Variants in HHLA1 observed in about 807,000 individuals in gnomAD.
HHLA1 encodes the protein HHLA1 neighbor of OC90, also known as HERV-H LTR-associating protein 1.
Under a neutral mutation model 69.9 loss-of-function variants are expected in HHLA1, and 72 were observed. The ratio of observed to expected loss-of-function variants is 1.03; its 90% CI spans 0.85 to 1.25. The LOEUF is 1.25. HHLA1 is among the 50% of genes most tolerant of loss of function. The probability of loss-of-function intolerance (pLI) is 0.00; values close to 1 mark genes in which losing one functional copy is unlikely to be tolerated. For missense variants in HHLA1, 685 were observed against 642.2 expected (o/e 1.07, Z -0.72); for synonymous variants, 252 against 233.2 (o/e 1.08, Z -0.73).
intron 12 of HHLA1, among the ~76,000 whole-genome samples, chr8:132,077,103 G>T (rs1227416382): frequency 6.6e-6 from 1 of 152,094 alleles, no homozygotes; most frequent in South Asian, 2.1e-4. Flanking sequence ...TAGGAGACCA[G>T]TGAGAGAGAA....
chr8:132,107,700 A>T (rs1824227043), intron 1 of HHLA1, among the ~76,000 whole-genome samples: 2 of 152,208 alleles, frequency 1.3e-5, no homozygotes, highest in Non-Finnish European at 2.9e-5. Context: ...ATTCTTTGTC[A>T]TTGGCCAAGT....
At chr8:132,100,438 C>A (rs951618279) in intron 3 of HHLA1, among the ~76,000 whole-genome samples, 11 of 152,116 alleles carry the variant, frequency 7.2e-5, no homozygotes, top group African/African-American at 2.7e-4. Context: ...AGGAGAAAAA[C>A]CTTGCTTAAA....
chr8:132,108,139 G>A (rs186085536), intron 1 of HHLA1, among the ~76,000 whole-genome samples: 1 of 152,220 alleles, frequency 6.6e-6, no homozygotes, highest in Non-Finnish European at 1.5e-5. Flanking sequence ...TCCTGGCTCT[G>A]CAGTGCAACT....
In HHLA1 at chr8:132,061,904, C is replaced by T. The variant is rs1327483702; in HGVS notation, c.*2091G>A. On this transcript the variant is annotated 3_prime_UTR_variant, in exon 17 of 17. Coordinates refer to ENST00000414222, the MANE Select transcript of HHLA1 (RefSeq NM_001145095.3). ...TTGCATAAGCCTCAGAGGTATTCCG[C>T]ATTTGAGCTTCTTAAAGATTATAGT... 2.0e-5 allele frequency: 3 copies of T among 152,234 alleles called. No individual in the cohort carries two copies. The highest frequency in any genetic ancestry group is 2.9e-5 in the Non-Finnish European group (2 of 68,052). The allele number at this position is 152,234 out of a possible 1,614,324, so 9.4% of individuals were successfully genotyped here.
At chr8:132,083,033 C>T (rs1378261427) in intron 10 of HHLA1, among the ~76,000 whole-genome samples, 1 of 144,414 alleles carries the variant, frequency 6.9e-6, no homozygotes, top group Non-Finnish European at 1.5e-5. Flanking sequence ...GTAAGGGGTG[C>T]ATGATTGGTC....
At chr8:132,083,287 G>A (rs1823793017) in intron 10 of HHLA1, among the ~76,000 whole-genome samples, 1 of 151,996 alleles carries the variant, frequency 6.6e-6, no homozygotes, top group African/African-American at 2.4e-5. Flanking sequence ...ACCAGAGTTG[G>A]GGAGTTTTAA....
chr8:132,084,214 G>C (rs1374102636), intron 10 of HHLA1, among the ~76,000 whole-genome samples: 10 of 151,590 alleles, frequency 6.6e-5, no homozygotes, highest in African/African-American at 7.3e-5. Flanking sequence ...GTGTGAGGAG[G>C]GGAGGTGATA....
At chr8:132,106,398 G>A (rs1448125166) in intron 1 of HHLA1, among the ~76,000 whole-genome samples, 3 of 152,150 alleles carry the variant, frequency 2.0e-5, no homozygotes, top group African/African-American at 7.2e-5. Context: ...TATGTGACTG[G>A]CATTTGTTCT....
At chr8:132,090,711 G>C (rs1458204509) in intron 7 of HHLA1, among the ~76,000 whole-genome samples, 1 of 150,742 alleles carries the variant, frequency 6.6e-6, no homozygotes, top group Non-Finnish European at 1.5e-5. Flanking sequence ...ATAGACACCT[G>C]TATATGCAGA....
intron 5 of HHLA1, among the ~76,000 whole-genome samples, chr8:132,097,702 CCTT>C (rs1341025303): frequency 2.6e-5 from 4 of 152,202 alleles, no homozygotes; most frequent in African/African-American, 9.7e-5. Flanking sequence ...TAGATCACTG[CCTT>C]CTTATCGTGC....
chr8:132,093,440 A>T (rs1334399034), intron 7 of HHLA1, among the ~76,000 whole-genome samples: 1 of 152,232 alleles, frequency 6.6e-6, no homozygotes, highest in African/African-American at 2.4e-5. Context: ...AGTTGAAAAC[A>T]TTAAAAAGAA....
intron 11 of HHLA1, among the ~76,000 whole-genome samples, chr8:132,079,199 C>G (rs555373545): frequency 6.6e-6 from 1 of 152,192 alleles, no homozygotes; most frequent in Non-Finnish European, 1.5e-5. Flanking sequence ...AGGTCATTGG[C>G]GGCAGCTTTC....
rs1823430972 is a variant in HHLA1, at chr8:132,065,951, T to G, written c.1487A>C (p.Tyr496Ser). ...TGTTGCATTCTTCAGAAACCAGGAATAGTATTCAAGACAGTATCTAAAGAT... is the reference window on the plus strand; with the variant it reads ...TGTTGCATTCTTCAGAAACCAGGAAGAGTATTCAAGACAGTATCTAAAGAT... ...TEDMRYCLEY[Y>S]SWFLKNATYI... is the part of the protein sequence containing the mutation. Residue 496 changes from tyrosine to serine, a missense_variant, in exon 16 of 17, where the codon TAT becomes TCT. Tyr to Ser is a moderately radical substitution (Grantham distance 144). Transcript: ENST00000414222. The G allele has an allele frequency of 7.7e-7, 1 of 1,297,956 alleles. No homozygotes were observed. The highest frequency in any genetic ancestry group is 1.2e-5 in the South Asian group (1 of 80,886). 80.4% of individuals were successfully genotyped at this position (1,297,956 alleles called of 1,614,324 possible).
At chr8:132,069,338 C>A (rs1177418914) in intron 15 of HHLA1, among the ~76,000 whole-genome samples, 2 of 152,218 alleles carry the variant, frequency 1.3e-5, no homozygotes, top group East Asian at 3.9e-4. Flanking sequence ...TCTTACATTG[C>A]CAACTTTCCC....
intron 10 of HHLA1, among the ~76,000 whole-genome samples, chr8:132,083,467 G>C (rs992373622): frequency 8.5e-5 from 13 of 152,116 alleles, no homozygotes; most frequent in African/African-American, 2.9e-4. Flanking sequence ...TGATGGTCTA[G>C]GGGGCTTCCG....
intron 10 of HHLA1, among the ~76,000 whole-genome samples, chr8:132,083,805 T>C (rs1823806374): frequency 6.6e-6 from 1 of 152,188 alleles, no homozygotes; most frequent in Admixed American, 6.5e-5. Flanking sequence ...TGTCTCACAG[T>C]GGAGGCAAGG....
At chr8:132,110,613 A>T (rs1563751954) in intron 1 of HHLA1, among the ~76,000 whole-genome samples, 1 of 152,246 alleles carries the variant, frequency 6.6e-6, no homozygotes, top group Non-Finnish European at 1.5e-5. Context: ...TCAGACAAAC[A>T]TAAGGCCCAA....
At chr8:132,079,659 C>A in intron 11 of HHLA1, 59 bp downstream of exon 11, 3 of 1,477,120 alleles carry the variant, frequency 2.0e-6, no homozygotes, top group Non-Finnish European at 9.0e-7. Context: ...ATATGTGAGC[C>A]TAGAGGTAAC....
chr8:132,087,739 C>T lies in HHLA1; in HGVS notation c.590G>A (p.Gly197Glu), dbSNP rs1437828552. ...CTCCCAGAAGTCAGAAAGATTCCTT[C>T]CTGCAAAAATCACACCAACAGGGTC... Reference protein sequence around the residue: ...IFICVMTGKSGRNLSDFWEIE... With the variant: ...IFICVMTGKSERNLSDFWEIE... Residue 197 changes from glycine to glutamate, a missense_variant and splice_region_variant, in exon 10 of 17, where the codon GGA (glycine) becomes GAA (glutamate). Physicochemically the swap from Gly to Glu is moderately conservative, Grantham distance 98. Coordinates refer to ENST00000414222, the MANE Select transcript of HHLA1 (RefSeq NM_001145095.3). 2 of 1,550,396 alleles carry T rather than the reference C, an allele frequency of 1.3e-6. No homozygotes were observed. The highest frequency in any genetic ancestry group is 1.7e-6 in the Non-Finnish European group (2 of 1,145,822).
Sources: allele counts gnomAD v4.1 joint callset (sites outside exome capture counted in the v4.1 genomes callset), GRCh38; gene constraint gnomAD v4.1.1; transcripts MANE v1.5; gene names NCBI Gene and HGNC (gene_info 2026-07-23, HGNC 2026-07-21).